Variants in FER observed in about 807,000 individuals in gnomAD.
FER encodes the protein tyrosine-protein kinase Fer.
In FER, 63 loss-of-function variants were observed where a neutral mutation model predicts 111.0. The ratio of observed to expected loss-of-function variants is 0.57; its 90% confidence interval spans 0.46 to 0.70. The LOEUF (loss-of-function observed/expected upper bound fraction) is 0.70, where lower values mean the gene tolerates loss of function less well. Among genes scored for constraint, FER ranks in the 30% least tolerant of loss-of-function variants. The probability of loss-of-function intolerance (pLI) is 0.00; values close to 1 mark genes in which losing one functional copy is unlikely to be tolerated. For synonymous variants in FER, 327 were observed against 313.9 expected, an observed-to-expected ratio of 1.04 and a Z score of -0.44; for missense variants, 914 against 954.0, an observed-to-expected ratio of 0.96 and a Z score of 0.55.
intron 17 of FER, among the ~76,000 whole-genome samples, chr5:109,106,549 AT>A (rs1748956886): frequency 6.6e-6 from 1 of 152,046 alleles, no homozygotes; most frequent in Non-Finnish European, 1.5e-5. Context: ...TTTGAAACCA[AT>A]TTTGCTATAA....
At chr5:108,795,659 T>C (rs1002946601) in intron 2 of FER, among the ~76,000 whole-genome samples, 3 of 152,212 alleles carry the variant, frequency 2.0e-5, no homozygotes, top group Non-Finnish European at 4.4e-5. Flanking sequence ...CACTGATGCA[T>C]TCTTCAGTGC....
intron 5 of FER, among the ~76,000 whole-genome samples, chr5:108,857,151 T>A (rs1402917596): frequency 3.3e-5 from 5 of 152,148 alleles, no homozygotes; most frequent in Admixed American, 3.3e-4. Flanking sequence ...GGTGCATACA[T>A]ATATATGCAT....
At chr5:108,825,727 C>T (rs901876154) in intron 3 of FER, among the ~76,000 whole-genome samples, 11 of 152,136 alleles carry the variant, frequency 7.2e-5, no homozygotes, top group African/African-American at 2.7e-4. Context: ...TTAGAGATTA[C>T]AGTAAAGACA....
chr5:108,944,017 A>T (rs1253556051), intron 10 of FER, among the ~76,000 whole-genome samples: 1 of 152,100 alleles, frequency 6.6e-6, no homozygotes, highest in Non-Finnish European at 1.5e-5. Flanking sequence ...TACAGGCATG[A>T]ACCACCAAGC....
chr5:108,779,667 T>G (rs1420423786), intron 2 of FER, among the ~76,000 whole-genome samples: 1 of 152,218 alleles, frequency 6.6e-6, no homozygotes, highest in Non-Finnish European at 1.5e-5. Context: ...TAATTGCATA[T>G]TAGTTCAAGG....
intron 16 of FER, chr5:109,051,687 T>C (rs989589730): frequency 2.3e-5 from 36 of 1,572,822 alleles, no homozygotes; most frequent in Middle Eastern, 3.3e-4. Context: ...ACCCACAGTC[T>C]TTGGCGGGGC....
intron 10 of FER, among the ~76,000 whole-genome samples, chr5:108,929,606 T>A (rs1754278922): frequency 6.6e-6 from 1 of 152,114 alleles, no homozygotes; most frequent in African/African-American, 2.4e-5. Context: ...GGTGATTTTT[T>A]TTTTTTAAAG....
intron 17 of FER, among the ~76,000 whole-genome samples, chr5:109,179,751 G>A (rs895153503): frequency 6.6e-6 from 1 of 150,718 alleles, no homozygotes; most frequent in African/African-American, 2.4e-5. Context: ...ATGATTTAAA[G>A]TATATAGGAT....
At chr5:109,103,903 GTT>G (rs1748565457) in intron 17 of FER, among the ~76,000 whole-genome samples, 1 of 152,084 alleles carries the variant, frequency 6.6e-6, no homozygotes, top group Admixed American at 6.6e-5. Context: ...TTTTATTCAG[GTT>G]TATTTCTAAA....
At chr5:109,043,622 A>C (rs1771504024) in intron 14 of FER, among the ~76,000 whole-genome samples, 1 of 152,188 alleles carries the variant, frequency 6.6e-6, no homozygotes, top group Non-Finnish European at 1.5e-5. Flanking sequence ...CAGTAAGCAA[A>C]GTAGGCTTCT....
At chr5:108,976,158 G>T (rs907044621) in intron 13 of FER, among the ~76,000 whole-genome samples, 1 of 152,058 alleles carries the variant, frequency 6.6e-6, no homozygotes, top group African/African-American at 2.4e-5. Context: ...AGAAGAGGAG[G>T]CTCCATTGGT....
intron 17 of FER, among the ~76,000 whole-genome samples, chr5:109,107,628 T>C (rs1045691819): frequency 2.6e-5 from 4 of 152,138 alleles, no homozygotes; most frequent in Non-Finnish European, 5.9e-5. Flanking sequence ...AGGAAAGTTA[T>C]GGGGTTATCT....
intron 17 of FER, among the ~76,000 whole-genome samples, chr5:109,162,812 T>C (rs771261273): frequency 6.6e-6 from 1 of 152,154 alleles, no homozygotes; most frequent in Non-Finnish European, 1.5e-5. Context: ...AAGACTTGCA[T>C]ATTATATATT....
chr5:108,996,348 C>T lies in FER; in HGVS notation c.1656+37001C>T, dbSNP rs142794729. 6.9e-3 allele frequency among the ~76,000 whole-genome samples: 1,054 copies of T among 152,300 alleles called. 9 individuals are homozygous for T. The highest frequency in any genetic ancestry group is 0.024 in the African/African-American group (1,013 of 41,558). ...TGAAGTCTTTGCCCATGCCCATGTC[C>T]TGAATGGTAATGCCTAGGTTTTCTT... On this transcript the variant is annotated intron_variant, in intron 13 of 19. Coordinates refer to ENST00000281092, the MANE Select transcript of FER (RefSeq NM_005246.4).
Position 108,872,161 on chromosome 5 carries a change from A to T in FER, c.872A>T (p.Gln291Leu), listed in dbSNP as rs778028701. The change falls in exon 8 of 20, where the codon CAG becomes CTG. Residue 291 changes from glutamine (Q) to leucine (L), a missense_variant. Around this residue, in one of 3 missense-constraint regions of FER, gnomAD observed 774 missense variants for 782.6 expected, o/e 0.99. Coordinates refer to ENST00000281092, the MANE Select transcript of FER (RefSeq NM_005246.4). ...TSLLEENENL[Q>L]ANEIMWNNLT... ...TTACTGGAAGAAAATGAAAATCTTC[A>T]GGCAAATGAGATCATGTGGAATAAC... 6.2e-7 allele frequency: 1 copy of T among 1,611,734 alleles called. No homozygotes were observed. Among genetic ancestry groups the T allele is most frequent in the Admixed American group, 1.7e-5 (1 of 59,650 alleles).
intron 16 of FER, among the ~76,000 whole-genome samples, chr5:109,058,660 A>G (rs963746742): frequency 6.8e-6 from 1 of 146,190 alleles, no homozygotes; most frequent in Non-Finnish European, 1.5e-5. Flanking sequence ...AATAGGGCCA[A>G]AATAACAATT....
At chr5:109,070,638 T>G (rs1185822247) in intron 16 of FER, among the ~76,000 whole-genome samples, 1 of 151,944 alleles carries the variant, frequency 6.6e-6, no homozygotes, top group Admixed American at 6.6e-5. Context: ...AAAAAGAATT[T>G]AACTCTTGGC....
chr5:108,844,030 A>G (rs1057187373), intron 5 of FER, among the ~76,000 whole-genome samples: 1 of 109,954 alleles, frequency 9.1e-6, no homozygotes, highest in African/African-American at 3.6e-5. Context: ...GAACATATAT[A>G]TGTGTGTGAA....
At chr5:108,915,342 G>A (rs1352788765) in intron 10 of FER, among the ~76,000 whole-genome samples, 1 of 152,002 alleles carries the variant, frequency 6.6e-6, no homozygotes, top group African/African-American at 2.4e-5. Context: ...GCGTGGTGGT[G>A]TCACCTGTAA....
Sources: allele counts gnomAD v4.1 joint callset (sites outside exome capture counted in the v4.1 genomes callset), GRCh38; gene constraint gnomAD v4.1.1; regional missense constraint gnomAD v4.1.1; transcripts MANE v1.5; gene names NCBI Gene and HGNC (gene_info 2026-07-23, HGNC 2026-07-21).